GRIA1: variants seen among roughly 807,000 people sequenced by gnomAD.
GRIA1 encodes glutamate ionotropic receptor AMPA type subunit 1, also known as glutamate receptor 1.
A neutral mutation model predicts 99.2 loss-of-function variants in GRIA1; 31 were observed. The ratio of observed to expected loss-of-function variants is 0.31; its 90% CI spans 0.23 to 0.42. The LOEUF is 0.42. Among genes scored for constraint, GRIA1 ranks in the 10% least tolerant of loss-of-function variants. GRIA1 has a pLI of 1.00. For synonymous variants in GRIA1, 438 were observed against 432.4 expected, an observed-to-expected ratio of 1.01 and a Z score of -0.16; for missense variants, 782 against 1,157.5, an observed-to-expected ratio of 0.68 and a Z score of 4.71.
At chr5:153,593,826 A>G (rs749939493) in intron 2 of GRIA1, among the ~76,000 whole-genome samples, 3 of 152,160 alleles carry the variant, frequency 2.0e-5, no homozygotes, top group Non-Finnish European at 4.4e-5. Flanking sequence ...AGGCTCTCCT[A>G]TTCTCTATAT....
intron 2 of GRIA1, among the ~76,000 whole-genome samples, chr5:153,544,079 C>A (rs944858787): frequency 2.0e-5 from 3 of 152,028 alleles, no homozygotes; most frequent in African/African-American, 7.2e-5. Flanking sequence ...CACACAGAAT[C>A]TGGGAAAAAA....
intron 5 of GRIA1, among the ~76,000 whole-genome samples, chr5:153,661,259 G>A (rs114177191): frequency 0.022 from 3,343 of 152,256 alleles, 60 homozygotes; most frequent in Middle Eastern, 0.058. Flanking sequence ...ATAGTAGTTG[G>A]GAAGGGTGGC....
At chr5:153,536,565 A>G (rs1157359958) in intron 2 of GRIA1, among the ~76,000 whole-genome samples, 2 of 152,154 alleles carry the variant, frequency 1.3e-5, no homozygotes, top group African/African-American at 4.8e-5. Context: ...TACATTTCAC[A>G]TAAGAGACAC....
chr5:153,581,048 C>T (rs780588297), intron 2 of GRIA1, among the ~76,000 whole-genome samples: 1 of 152,190 alleles, frequency 6.6e-6, no homozygotes, highest in Non-Finnish European at 1.5e-5. Flanking sequence ...GGAAACCCAG[C>T]GGCTTACGTA....
At chr5:153,787,086 C>A (rs1765011510) in intron 13 of GRIA1, among the ~76,000 whole-genome samples, 1 of 152,172 alleles carries the variant, frequency 6.6e-6, no homozygotes, top group South Asian at 2.1e-4. Context: ...TAAGTTGAGA[C>A]AAAATTAAAA....
At position 153,790,399 on chromosome 5, in the gene GRIA1, A is replaced by C. The variant is rs901109883; in HGVS notation, c.2271-4222A>C. Among the ~76,000 whole-genome samples, 10 of 152,320 alleles carry C rather than the reference A, an allele frequency of 6.6e-5. No homozygotes were observed. In the South Asian group the frequency reaches 2.1e-3, roughly 32 times the overall value. On this transcript the variant is annotated intron_variant, in intron 13 of 15. Coordinates refer to ENST00000285900, the MANE Select transcript of GRIA1 (RefSeq NM_000827.4). The stretch of plus-strand genomic sequence containing the variant: ...CCTTTTATTAAAAACCTTGGGGAAG[A>C]GAACAAAACATTCCACATTGACCTT...
At chr5:153,569,432 AT>A (rs1301429318) in intron 2 of GRIA1, among the ~76,000 whole-genome samples, 1 of 152,204 alleles carries the variant, frequency 6.6e-6, no homozygotes, top group African/African-American at 2.4e-5. Context: ...GTGAATCTTT[AT>A]TTCAAGAACC....
At chr5:153,740,589 C>A (rs1342223760) in intron 11 of GRIA1, among the ~76,000 whole-genome samples, 1 of 152,220 alleles carries the variant, frequency 6.6e-6, no homozygotes, top group Non-Finnish European at 1.5e-5. Flanking sequence ...GAAAATACTT[C>A]TTCCTAGGGA....
intron 7 of GRIA1, among the ~76,000 whole-genome samples, chr5:153,677,778 G>A (rs1756695179): frequency 6.6e-6 from 1 of 152,188 alleles, no homozygotes; most frequent in Non-Finnish European, 1.5e-5. Flanking sequence ...TGATATGTCT[G>A]CTGTGGAAGC....
chr5:153,738,615 A>G (rs887742277), intron 11 of GRIA1, among the ~76,000 whole-genome samples: 1 of 150,284 alleles, frequency 6.7e-6, no homozygotes, highest in African/African-American at 2.5e-5. Context: ...TCCTGATTCC[A>G]TTTGGGTTTG....
intron 2 of GRIA1, among the ~76,000 whole-genome samples, chr5:153,620,183 G>C (rs1766898766): frequency 6.6e-6 from 1 of 152,146 alleles, no homozygotes; most frequent in South Asian, 2.1e-4. Flanking sequence ...TGGTTTCTTT[G>C]CACTATGAAT....
chr5:153,778,389 G>A (rs1052603363), intron 13 of GRIA1, among the ~76,000 whole-genome samples: 1 of 152,154 alleles, frequency 6.6e-6, no homozygotes, highest in South Asian at 2.1e-4. Flanking sequence ...TAGCATTTTA[G>A]GGGTGGTGAT....
At chr5:153,671,615 A>G (rs1756183042) in intron 5 of GRIA1, among the ~76,000 whole-genome samples, 1 of 152,160 alleles carries the variant, frequency 6.6e-6, no homozygotes, top group Non-Finnish European at 1.5e-5. Flanking sequence ...TTCAACCTGA[A>G]TTTCTCTTTT....
At chr5:153,743,675 T>C (rs770502781) in intron 11 of GRIA1, among the ~76,000 whole-genome samples, 21 of 151,228 alleles carry the variant, frequency 1.4e-4, no homozygotes, top group Non-Finnish European at 2.5e-4. Flanking sequence ...AATTCTTCTT[T>C]TAAAAGACTC....
chr5:153,771,756 A>G (rs1350060883), intron 13 of GRIA1, among the ~76,000 whole-genome samples: 4 of 152,352 alleles, frequency 2.6e-5, no homozygotes, highest in Admixed American at 2.6e-4. Context: ...AAACAAATCA[A>G]AACTAGAACT....
At chr5:153,696,872 G>GTGTA (rs536029863) in intron 8 of GRIA1, among the ~76,000 whole-genome samples, 28 of 152,192 alleles carry the variant, frequency 1.8e-4, no homozygotes, top group Admixed American at 3.9e-4. Context: ...ATGTGTGTGT[G>GTGTA]TGTGTGTGTG....
At chr5:153,707,862 C>T (rs1759028757) in intron 11 of GRIA1, among the ~76,000 whole-genome samples, 1 of 152,106 alleles carries the variant, frequency 6.6e-6, no homozygotes, top group Non-Finnish European at 1.5e-5. Flanking sequence ...AGACTGGCTG[C>T]TTGGCCAATA....
intron 13 of GRIA1, among the ~76,000 whole-genome samples, chr5:153,771,176 C>T (rs1397470643): frequency 2.6e-5 from 4 of 152,156 alleles, no homozygotes; most frequent in Middle Eastern, 3.2e-3. Context: ...ATTGGCCCAG[C>T]CCTTCCTAGG....
intron 2 of GRIA1, among the ~76,000 whole-genome samples, chr5:153,641,990 G>A (rs183190382): frequency 6.4e-4 from 98 of 152,310 alleles, no homozygotes; most frequent in South Asian, 6.2e-4. Flanking sequence ...ACTGGGTGTC[G>A]AATGGTGGGT....
Sources: gnomAD v4.1 joint callset for allele counts (sites outside exome capture counted in the v4.1 genomes callset) on GRCh38, gnomAD v4.1.1 for gene constraint, MANE v1.5 for transcripts, NCBI Gene and HGNC (gene_info 2026-07-23, HGNC 2026-07-21) for gene names.